PPP2R2C: variants seen among roughly 807,000 people sequenced by gnomAD.
PPP2R2C encodes the protein protein phosphatase 2, regulatory subunit B, gamma.
Under a neutral mutation model 45.3 loss-of-function variants are expected in PPP2R2C, and 10 were observed. The observed-to-expected ratio is 0.22, with a 90% confidence interval of 0.14 to 0.37. The LOEUF (loss-of-function observed/expected upper bound fraction) is 0.37. PPP2R2C is among the 10% of genes least tolerant of loss of function. The pLI is 1.00. For synonymous variants in PPP2R2C, 257 were observed against 245.4 expected, an observed-to-expected ratio of 1.05 and a Z score of -0.44; for missense variants, 308 against 619.7, an observed-to-expected ratio of 0.50 and a Z score of 5.34.
At chr4:6,359,657 G>A (rs1713551481) in intron 5 of PPP2R2C, among the ~76,000 whole-genome samples, 1 of 148,764 alleles carries the variant, frequency 6.7e-6, no homozygotes, top group Admixed American at 6.7e-5. Context: ...TTCATCTCCT[G>A]CTACCAGAGG....
intron 5 of PPP2R2C, among the ~76,000 whole-genome samples, chr4:6,353,001 AG>A (rs1239838607): frequency 1.3e-5 from 2 of 152,162 alleles, no homozygotes; most frequent in Admixed American, 6.5e-5. Flanking sequence ...CGATGGCTAC[AG>A]GAACATCTGG....
chr4:6,502,479 C>T (rs577467331), intron 2 of PPP2R2C, among the ~76,000 whole-genome samples: 56 of 152,032 alleles, frequency 3.7e-4, no homozygotes, highest in Admixed American at 2.9e-3. Context: ...TCTTCCTGCC[C>T]TCCCTCTGTC....
chr4:6,397,589 A>G (rs2109344038), intron 1 of PPP2R2C, among the ~76,000 whole-genome samples: 1 of 89,986 alleles, frequency 1.1e-5, no homozygotes, highest in African/African-American at 3.5e-5. Flanking sequence ...AGGGGTGTGT[A>G]CCAGGAATGG....
At chr4:6,475,244 TAGAA>T (rs1419273382), upstream of PPP2R2C, among the ~76,000 whole-genome samples, 1 of 151,678 alleles carries the variant, frequency 6.6e-6, no homozygotes, top group Non-Finnish European at 1.5e-5. Context: ...GAGATGGAGA[TAGAA>T]AGGAACGGGG....
chr4:6,483,165 G>A (rs1221035723), intron 2 of PPP2R2C, among the ~76,000 whole-genome samples: 11 of 144,244 alleles, frequency 7.6e-5, no homozygotes, highest in Admixed American at 4.3e-4. Context: ...ATAGATAGAC[G>A]ATAGATAGAG....
chr4:6,518,922 TAAA>T (rs56002128), intron 2 of PPP2R2C, among the ~76,000 whole-genome samples: 79 of 92,812 alleles, frequency 8.5e-4, no homozygotes, highest in East Asian at 2.6e-3. Context: ...GACTCTGTCT[TAAA>T]AAAAAAAAAA....
chr4:6,387,500 G>C (rs187944530), intron 1 of PPP2R2C, among the ~76,000 whole-genome samples: 20 of 152,262 alleles, frequency 1.3e-4, no homozygotes, highest in Admixed American at 7.8e-4. Context: ...TCTGAATTCA[G>C]TCGAAATATT....
chr4:6,332,585 C>T lies in PPP2R2C; in HGVS notation c.960+977G>A, dbSNP rs1732494791. ...AGGACGCTTTCCTACTAGGTCTTCG[C>T]ACGGAGGAAAGGAAAGCGTAGGGCT... On this transcript the variant is annotated intron_variant, in intron 7 of 8. Coordinates refer to ENST00000382599, the MANE Select transcript of PPP2R2C (RefSeq NM_020416.4). This position sits in a 1 kb window ranked among gnomAD's most constrained non-coding sequence, Gnocchi z 4.9. 2.0e-5 allele frequency among the ~76,000 whole-genome samples: 3 copies of T among 152,308 alleles called. No homozygotes were observed. The highest frequency in any genetic ancestry group is 7.2e-5 in the African/African-American group (3 of 41,564).
intron 2 of PPP2R2C, among the ~76,000 whole-genome samples, chr4:6,495,688 A>C (rs1033471313): frequency 6.6e-6 from 1 of 152,218 alleles, no homozygotes; most frequent in African/African-American, 2.4e-5. Context: ...GATGTGGTGA[A>C]AATCAGCTAA....
chr4:6,393,891 C>A (rs890349278), intron 1 of PPP2R2C, among the ~76,000 whole-genome samples: 1 of 152,226 alleles, frequency 6.6e-6, no homozygotes, highest in African/African-American at 2.4e-5. Flanking sequence ...TGACACCCAG[C>A]CTGGCTTCAG....
chr4:6,533,839 G>T (rs989935894), intron 2 of PPP2R2C, among the ~76,000 whole-genome samples: 1 of 152,034 alleles, frequency 6.6e-6, no homozygotes, highest in Non-Finnish European at 1.5e-5. Context: ...TACATAGCAG[G>T]CTGCTCGGTG....
rs1019746330 is a variant in PPP2R2C at position 6,528,904 on chromosome 4, C to T, written c.49+6367G>A. Among the ~76,000 whole-genome samples, 37 of 152,332 alleles carry T rather than the reference C, an allele frequency of 2.4e-4. 1 individual carries two copies. The highest frequency in any genetic ancestry group is 1.8e-3 in the Admixed American group (27 of 15,308). ...TCTTATAAAACGGCCCCACCCCTAT[C>T]TCCCTTTGCTGACTGTCTTTTCAGA... On this transcript the variant is annotated intron_variant, in intron 2 of 9. Coordinates refer to the PPP2R2C transcript ENST00000506140.
intron 1 of PPP2R2C, among the ~76,000 whole-genome samples, chr4:6,465,182 A>G (rs1037543957): frequency 9.3e-5 from 10 of 107,348 alleles, no homozygotes; most frequent in Non-Finnish European, 1.3e-4. Flanking sequence ...AACCTGTAGG[A>G]AAAAAAAGAG....
intron 2 of PPP2R2C, among the ~76,000 whole-genome samples, chr4:6,483,129 AGATAGATAGATAGATT>A (rs1469900522): frequency 2.4e-4 from 23 of 97,252 alleles, no homozygotes; most frequent in African/African-American, 8.6e-4. Flanking sequence ...ATAGATAGAT[AGATAGATAGATAGATT>A]GATTGATTGA....
intron 6 of PPP2R2C, among the ~76,000 whole-genome samples, chr4:6,340,389 G>T (rs549461245): frequency 5.0e-5 from 2 of 40,122 alleles, no homozygotes; most frequent in African/African-American, 9.9e-5. Context: ...ATGCATCAGA[G>T]GGCTCCTGAT....
At chr4:6,387,605 G>A (rs1716302861) in intron 1 of PPP2R2C, among the ~76,000 whole-genome samples, 1 of 152,142 alleles carries the variant, frequency 6.6e-6, no homozygotes, top group African/African-American at 2.4e-5. Flanking sequence ...GAGCTCAGGA[G>A]ATCGAGACCA....
At chr4:6,383,152 G>A (rs1715976464) in intron 1 of PPP2R2C, 3 of 1,156,726 alleles carry the variant, frequency 2.6e-6, no homozygotes, top group African/African-American at 1.6e-5. Flanking sequence ...TGCCATCAAC[G>A]CCTCTGGCGG....
intron 1 of PPP2R2C, among the ~76,000 whole-genome samples, chr4:6,557,919 T>A (rs1447527937): frequency 6.6e-6 from 1 of 152,144 alleles, no homozygotes; most frequent in African/African-American, 2.4e-5. Flanking sequence ...TACTCTCACC[T>A]GCTGCGTGAC....
intron 2 of PPP2R2C, among the ~76,000 whole-genome samples, chr4:6,530,945 C>T (rs1398288580): frequency 6.6e-6 from 1 of 152,216 alleles, no homozygotes; most frequent in Non-Finnish European, 1.5e-5. Flanking sequence ...GGACACATTC[C>T]TGCTTGTTAA....
Sources: allele counts gnomAD v4.1 joint callset (sites outside exome capture counted in the v4.1 genomes callset), GRCh38; gene constraint gnomAD v4.1.1; non-coding constraint Gnocchi (gnomAD v3.1); transcripts MANE v1.5; gene names NCBI Gene and HGNC (gene_info 2026-07-23, HGNC 2026-07-21).